The following PIP5K1C variants were observed in gnomAD, a reference collection of about 807,000 sequenced individuals.
PIP5K1C encodes phosphatidylinositol-4-phosphate 5-kinase type 1 gamma, also known as phosphatidylinositol 4-phosphate 5-kinase type-1 gamma.
In PIP5K1C, 45 loss-of-function variants were observed where a neutral mutation model predicts 80.1. The ratio of observed to expected loss-of-function variants is 0.56; its 90% CI spans 0.44 to 0.72. PIP5K1C has a LOEUF of 0.72. Ranked by LOEUF, PIP5K1C falls within the 30% of genes least tolerant of loss-of-function variation. The probability of loss-of-function intolerance (pLI) is 0.00; values close to 1 mark genes in which losing one functional copy is unlikely to be tolerated. For synonymous variants in PIP5K1C, 498 were observed against 420.1 expected (o/e 1.19, Z -2.27); for missense variants, 753 against 954.6 (o/e 0.79, Z 2.78).
intron 16 of PIP5K1C, among the ~76,000 whole-genome samples, chr19:3,635,223 A>G (rs2033633235): frequency 6.6e-6 from 1 of 152,232 alleles, no homozygotes; most frequent in African/African-American, 2.4e-5. Flanking sequence ...GTGGGCAGGG[A>G]TGACAGTATC....
At chr19:3,670,840 TG>T (rs2035182535) in intron 1 of PIP5K1C, among the ~76,000 whole-genome samples, 1 of 149,658 alleles carries the variant, frequency 6.7e-6, no homozygotes, top group African/African-American at 2.5e-5. Context: ...ACGGAGGGAG[TG>T]GGGTGACTCA....
chr19:3,646,816 G>A (rs1189366854), intron 10 of PIP5K1C, among the ~76,000 whole-genome samples: 1 of 152,172 alleles, frequency 6.6e-6, no homozygotes, highest in African/African-American at 2.4e-5. Context: ...TCACACAGAC[G>A]TTAGTCCTCA....
chr19:3,675,271 A>T (rs183648671), intron 1 of PIP5K1C, among the ~76,000 whole-genome samples: 1 of 152,334 alleles, frequency 6.6e-6, no homozygotes, highest in East Asian at 1.9e-4. Context: ...GAAAAGCAAA[A>T]TGAAGATGCA....
At position 3,648,690 on chromosome 19, in the gene PIP5K1C, A is replaced by G. The variant is rs2034334798; in HGVS notation, c.1146T>C (p.Ala382=). 1 of 1,612,816 alleles carries G rather than the reference A, an allele frequency of 6.2e-7. No homozygotes were observed. Among genetic ancestry groups the G allele is most frequent in the Admixed American group, 1.7e-5 (1 of 60,000 alleles). ...GCAGCCGCTCCCCGCGGCCGTTCACAGCGGGGATCCCGCCCATCCTGGGGA... is the reference window on the plus strand; with the variant it reads ...GCAGCCGCTCCCCGCGGCCGTTCACGGCGGGGATCCCGCCCATCCTGGGGA... ...ESDDTMGGIP[A]VNGRGERLLL... is the part of the protein sequence containing the mutation. The change falls in exon 9 of 18, where the codon GCT becomes GCC. Residue 382 remains alanine, a synonymous_variant. Transcript: ENST00000335312. The surrounding 1 kb of genome is among the most constrained non-coding windows in gnomAD (Gnocchi z 4.3).
At chr19:3,668,392 G>C (rs567048213) in intron 1 of PIP5K1C, 4 of 152,250 alleles carry the variant, frequency 2.6e-5, no homozygotes, top group Admixed American at 2.6e-4. Flanking sequence ...CCTCACGAGC[G>C]GGGGCGAGAG....
rs1241313003 is a variant in PIP5K1C, at chr19:3,637,150, C to T, written c.1920+1734G>A. Reference sequence around the variant, plus strand: ...CTCCCCTGTGCAGCCAGCGGGGCCACGGGCAGCCAGGTCTGCACGAGTGAG... The same window carrying T: ...CTCCCCTGTGCAGCCAGCGGGGCCATGGGCAGCCAGGTCTGCACGAGTGAG... On this transcript the variant is annotated intron_variant, in intron 16 of 17. Coordinates refer to ENST00000335312, the MANE Select transcript of PIP5K1C (RefSeq NM_012398.3). This position sits in a 1 kb window ranked among gnomAD's most constrained non-coding sequence, Gnocchi z 7.0. The T allele has an allele frequency of 1.1e-5, 15 of 1,402,036 alleles. No homozygotes were observed. The highest frequency in any genetic ancestry group is 3.0e-5 in the Admixed American group (1 of 33,006). The allele number at this position is 1,402,036 out of a possible 1,614,324, so 86.8% of individuals were successfully genotyped here. A position where few individuals can be genotyped will look rare whatever the true frequency, so the allele number is the denominator to read the frequency against.
chr19:3,680,130 C>T (rs1297417777), intron 1 of PIP5K1C, among the ~76,000 whole-genome samples: 1 of 152,206 alleles, frequency 6.6e-6, no homozygotes, highest in Middle Eastern at 3.2e-3. Flanking sequence ...GATGCACTCT[C>T]TTCTGATTCT....
chr19:3,634,459 A>G (rs1599912420), intron 16 of PIP5K1C, among the ~76,000 whole-genome samples: 1 of 151,772 alleles, frequency 6.6e-6, no homozygotes, highest in Admixed American at 6.6e-5. Context: ...GCGAATTTCC[A>G]CCAGGCCTGG....
chr19:3,692,015 C>T lies in PIP5K1C; in HGVS notation c.94+8282G>A, dbSNP rs1040863069. On this transcript the variant is annotated intron_variant, in intron 1 of 17. Transcript: ENST00000335312. The surrounding 1 kb of genome is among the most constrained non-coding windows in gnomAD (Gnocchi z 5.2). ...GCCCCGCCCATGTCAGCGCATGCAC[C>T]GTGGCCAGTCCAAGCACCGCACGGG... is the stretch of plus-strand genomic sequence containing the variant. 2.0e-5 allele frequency among the ~76,000 whole-genome samples: 3 copies of T among 152,302 alleles called. No homozygotes were observed. Among genetic ancestry groups the T allele is most frequent in the East Asian group, 1.9e-4 (1 of 5,178 alleles).
At chr19:3,675,658 A>G (rs552235571) in intron 1 of PIP5K1C, among the ~76,000 whole-genome samples, 1 of 152,242 alleles carries the variant, frequency 6.6e-6, no homozygotes, top group Non-Finnish European at 1.5e-5. Flanking sequence ...TTCTCTCTTG[A>G]TATGAGTGTA....
intron 1 of PIP5K1C, chr19:3,674,155 G>A (rs996397479): frequency 8.5e-5 from 13 of 152,376 alleles, no homozygotes; most frequent in African/African-American, 2.9e-4. Flanking sequence ...GGGTTGGACA[G>A]GCAAGTGTAG....
intron 1 of PIP5K1C, among the ~76,000 whole-genome samples, chr19:3,690,364 C>T (rs1057415500): frequency 1.3e-5 from 2 of 151,754 alleles, no homozygotes; most frequent in African/African-American, 2.4e-5. Context: ...TGCATGGTGG[C>T]GCACACCTGC....
chr19:3,694,477 C>A (rs543371451), intron 1 of PIP5K1C, among the ~76,000 whole-genome samples: 164 of 152,308 alleles, frequency 1.1e-3, no homozygotes, highest in South Asian at 8.5e-3. Flanking sequence ...AGGCCAAAAT[C>A]CTTCCAGGCC....
chr19:3,681,972 A>G (rs1168594872), intron 1 of PIP5K1C, among the ~76,000 whole-genome samples: 1 of 152,052 alleles, frequency 6.6e-6, no homozygotes, highest in Non-Finnish European at 1.5e-5. Context: ...TGCTTCCACG[A>G]GCCCAGATTG....
At chr19:3,652,369 A>G (rs2034484441) in intron 7 of PIP5K1C, among the ~76,000 whole-genome samples, 1 of 152,252 alleles carries the variant, frequency 6.6e-6, no homozygotes, top group Non-Finnish European at 1.5e-5. Flanking sequence ...GCCCATGGGC[A>G]AGGACGTGCC....
intron 9 of PIP5K1C, among the ~76,000 whole-genome samples, chr19:3,647,588 C>G (rs2145423860): frequency 6.6e-6 from 1 of 152,266 alleles, no homozygotes; most frequent in South Asian, 2.1e-4. Flanking sequence ...CCCAGGACGG[C>G]CCCACCCCAG....
chr19:3,651,748 C>T, intron 8 of PIP5K1C, 78 bp downstream of exon 8: 2 of 1,423,266 alleles, frequency 1.4e-6, no homozygotes, highest in Admixed American at 1.7e-5. Context: ...CCTGTTTTCA[C>T]ACTTGGGACG....
intron 1 of PIP5K1C, among the ~76,000 whole-genome samples, chr19:3,672,335 C>A (rs2035234168): frequency 6.6e-6 from 1 of 152,258 alleles, no homozygotes; most frequent in Admixed American, 6.5e-5. Context: ...CACCAGCCAC[C>A]TTTGCCACCC....
intron 1 of PIP5K1C, among the ~76,000 whole-genome samples, chr19:3,691,461 C>A (rs2035947848): frequency 6.6e-6 from 1 of 152,192 alleles, no homozygotes; most frequent in Non-Finnish European, 1.5e-5. Context: ...ATCAAACTCT[C>A]ACGCGCCACG....
Sources: allele counts gnomAD v4.1 joint callset (sites outside exome capture counted in the v4.1 genomes callset), GRCh38; gene constraint gnomAD v4.1.1; non-coding constraint Gnocchi (gnomAD v3.1); transcripts MANE v1.5; gene names NCBI Gene and HGNC (gene_info 2026-07-23, HGNC 2026-07-21).